The following SYNPO2 variants were observed in gnomAD, a reference collection of about 807,000 sequenced individuals.
SYNPO2 encodes the protein synaptopodin-2.
SYNPO2 carries 56 observed loss-of-function variants against 85.0 expected under a neutral mutation model. That is an observed-to-expected ratio of 0.66 (90% confidence interval 0.53 to 0.82). The LOEUF (loss-of-function observed/expected upper bound fraction) is 0.82. SYNPO2 is among the 40% of genes least tolerant of loss of function. The pLI is 0.00. For missense variants in SYNPO2, 1,575 were observed against 1,534.2 expected (o/e 1.03, Z -0.44); for synonymous variants, 602 against 591.1 (o/e 1.02, Z -0.27).
chr4:118,926,297 T>C (rs1286158041), intron 1 of SYNPO2, among the ~76,000 whole-genome samples: 1 of 152,160 alleles, frequency 6.6e-6, no homozygotes, highest in Non-Finnish European at 1.5e-5. Flanking sequence ...ATGAATTTTT[T>C]TCACATAATT....
intron 1 of SYNPO2, among the ~76,000 whole-genome samples, chr4:118,978,562 T>C (rs1422427806): frequency 6.6e-6 from 1 of 152,218 alleles, no homozygotes; most frequent in Non-Finnish European, 1.5e-5. Context: ...TTGTTCTGTT[T>C]ACTATATATA....
At chr4:118,914,245 G>A (rs1041121511) in intron 1 of SYNPO2, among the ~76,000 whole-genome samples, 1 of 152,118 alleles carries the variant, frequency 6.6e-6, no homozygotes, top group South Asian at 2.1e-4. Context: ...TATCTATAGA[G>A]CATACAGAAG....
At chr4:118,900,644 A>G (rs1214377034) in intron 1 of SYNPO2, among the ~76,000 whole-genome samples, 2 of 138,312 alleles carry the variant, frequency 1.4e-5, no homozygotes, top group African/African-American at 5.4e-5. Context: ...CACCTTTGTA[A>G]TCTTACCCTA....
intron 1 of SYNPO2, among the ~76,000 whole-genome samples, chr4:118,873,920 GGC>G (rs1359871634): frequency 1.8e-5 from 2 of 110,976 alleles, no homozygotes; most frequent in Admixed American, 8.5e-5. Flanking sequence ...TTTTCCCACT[GGC>G]ATTTATTAAA....
In SYNPO2 at chr4:118,919,235, C is replaced by T. The variant is rs557491200; in HGVS notation, c.105+30094C>T. On this transcript the variant is annotated intron_variant, in intron 1 of 4. Transcript: ENST00000307142. Reference sequence around the variant, plus strand: ...CAGGAAGCGCTAGTCGATCATTGCACTCATTCTTCTGAGCCTGGATTGAGC... The same window carrying T: ...CAGGAAGCGCTAGTCGATCATTGCATTCATTCTTCTGAGCCTGGATTGAGC... 2.9e-5 allele frequency among the ~76,000 whole-genome samples: 4 copies of T among 135,860 alleles called. No individual in the cohort carries two copies. The South Asian group carries it at 1.1e-3, about 36-fold the overall frequency. 89.1% of individuals were successfully genotyped at this position (135,860 alleles called of 152,430 possible). A position where few individuals can be genotyped will look rare whatever the true frequency, so the allele number is the denominator to read the frequency against.
chr4:118,879,384 C>T (rs904147665), intron 1 of SYNPO2, among the ~76,000 whole-genome samples: 1 of 152,128 alleles, frequency 6.6e-6, no homozygotes, highest in South Asian at 2.1e-4. Flanking sequence ...TCCTAAATCC[C>T]CAGTGTATAT....
chr4:118,941,706 A>C (rs1010976547), intron 1 of SYNPO2, among the ~76,000 whole-genome samples: 2 of 152,186 alleles, frequency 1.3e-5, no homozygotes, highest in Non-Finnish European at 2.9e-5. Flanking sequence ...AGGTGACTGA[A>C]TGATAACATG....
intron 1 of SYNPO2, among the ~76,000 whole-genome samples, chr4:118,973,447 A>T (rs1735612248): frequency 6.6e-6 from 1 of 152,134 alleles, no homozygotes; most frequent in Non-Finnish European, 1.5e-5. Context: ...GTATGATATG[A>T]TACTGGCAGT....
chr4:119,024,093 AGAT>A (rs1388310184), intron 2 of SYNPO2, among the ~76,000 whole-genome samples: 2 of 152,258 alleles, frequency 1.3e-5, no homozygotes, highest in African/African-American at 4.8e-5. Flanking sequence ...GGACAAAAGC[AGAT>A]GATTAGAATA....
chr4:119,034,476 C>T (rs1738416417), intron 4 of SYNPO2: 7 of 985,408 alleles, frequency 7.1e-6, no homozygotes, highest in Non-Finnish European at 8.4e-6. Context: ...ATGCAAATAA[C>T]ATGACTATGC....
intron 1 of SYNPO2, among the ~76,000 whole-genome samples, chr4:119,013,192 T>A (rs932862906): frequency 6.6e-6 from 1 of 152,194 alleles, no homozygotes; most frequent in Admixed American, 6.5e-5. Context: ...TTCAAGGCGG[T>A]GACACAAATG....
chr4:119,028,223 T>G (rs63300060), intron 3 of SYNPO2, among the ~76,000 whole-genome samples: 3 of 21,166 alleles, frequency 1.4e-4, no homozygotes, highest in Non-Finnish European at 3.0e-4. Flanking sequence ...TTTTTGTTTG[T>G]TTTTTTTTTT....
chr4:118,912,812 A>G (rs1733186102), intron 1 of SYNPO2, among the ~76,000 whole-genome samples: 1 of 152,204 alleles, frequency 6.6e-6, no homozygotes, highest in Non-Finnish European at 1.5e-5. Flanking sequence ...TATAATTAGC[A>G]TTGAGACTCA....
At chr4:119,051,692 A>G (rs1739056510) in intron 4 of SYNPO2, among the ~76,000 whole-genome samples, 1 of 152,184 alleles carries the variant, frequency 6.6e-6, no homozygotes, top group African/African-American at 2.4e-5. Flanking sequence ...TTTAGCTTAT[A>G]TTTTACTTTA....
intron 1 of SYNPO2, among the ~76,000 whole-genome samples, chr4:118,873,473 A>G (rs1731840110): frequency 6.6e-6 from 1 of 152,208 alleles, no homozygotes; most frequent in East Asian, 1.9e-4. Context: ...CATTTTTCAT[A>G]TGCCTAGTGG....
At chr4:118,979,857 C>T (rs1735942236) in intron 1 of SYNPO2, among the ~76,000 whole-genome samples, 1 of 152,202 alleles carries the variant, frequency 6.6e-6, no homozygotes, top group Non-Finnish European at 1.5e-5. Context: ...GTTTCTTCCG[C>T]ACTCAGCATA....
intron 1 of SYNPO2, among the ~76,000 whole-genome samples, chr4:118,881,546 T>C (rs1356642231): frequency 6.6e-6 from 1 of 152,198 alleles, no homozygotes; most frequent in Non-Finnish European, 1.5e-5. Context: ...ATACACTTTC[T>C]TATGCCCCGA....
At chr4:118,884,598 T>A (rs557979344), upstream of SYNPO2, among the ~76,000 whole-genome samples, 17 of 152,308 alleles carry the variant, frequency 1.1e-4, no homozygotes, top group African/African-American at 4.1e-4. Flanking sequence ...GGAAATAGAA[T>A]GTTAGGGAGG....
intron 1 of SYNPO2, among the ~76,000 whole-genome samples, chr4:118,948,075 C>G (rs1439247723): frequency 6.6e-6 from 1 of 152,094 alleles, no homozygotes; most frequent in Admixed American, 6.6e-5. Context: ...AAAAAAAACA[C>G]TTTTTTCCCT....
Sources: allele counts gnomAD v4.1 joint callset (sites outside exome capture counted in the v4.1 genomes callset), GRCh38; gene constraint gnomAD v4.1.1; transcripts MANE v1.5; gene names NCBI Gene and HGNC (gene_info 2026-07-23, HGNC 2026-07-21).